ANKRD36: variants seen among roughly 807,000 people sequenced by gnomAD.
ANKRD36 encodes ankyrin repeat domain-containing protein 36A.
ANKRD36 carries 179 observed loss-of-function variants against 278.1 expected under a neutral mutation model. The observed-to-expected ratio is 0.64, with a 90% CI of 0.57 to 0.73. The LOEUF (loss-of-function observed/expected upper bound fraction) is 0.73. ANKRD36 is among the 30% of genes least tolerant of loss of function. ANKRD36 has a pLI of 0.00. For synonymous variants in ANKRD36, 320 were observed against 641.1 expected, an observed-to-expected ratio of 0.50 and a Z score of 7.57; for missense variants, 1,159 against 1,956.7, an observed-to-expected ratio of 0.59 and a Z score of 7.69.
At chr2:97,177,207 G>C (rs1233320223) in intron 22 of ANKRD36, among the ~76,000 whole-genome samples, 2 of 151,892 alleles carry the variant, frequency 1.3e-5, no homozygotes, top group Non-Finnish European at 2.9e-5. Flanking sequence ...AACATTCCAT[G>C]CTCATGCATA....
intron 60 of ANKRD36, among the ~76,000 whole-genome samples, chr2:97,213,821 A>G (rs1244538424): frequency 6.6e-6 from 1 of 151,822 alleles, no homozygotes; most frequent in Non-Finnish European, 1.5e-5. Flanking sequence ...ACTTCCCCAC[A>G]TTGAAATTGG....
chr2:97,199,447 C>T (rs1240490554), intron 44 of ANKRD36, among the ~76,000 whole-genome samples: 1 of 151,892 alleles, frequency 6.6e-6, no homozygotes, highest in South Asian at 2.1e-4. Flanking sequence ...TTTAATGACA[C>T]TTCTTTAGAG....
At chr2:97,137,261 C>G (rs2041759062) in intron 6 of ANKRD36, among the ~76,000 whole-genome samples, 1 of 151,938 alleles carries the variant, frequency 6.6e-6, no homozygotes, top group South Asian at 2.1e-4. Context: ...ATTCTCCTGT[C>G]TCAGCCTCCC....
intron 50 of ANKRD36, 79 bp downstream of exon 50, chr2:97,204,342 G>A (rs1456245637): frequency 1.2e-5 from 18 of 1,446,484 alleles, no homozygotes; most frequent in Non-Finnish European, 1.6e-5. Context: ...ATCAGCGGGG[G>A]GCTCGTTGAA....
intron 46 of ANKRD36, 140 bp downstream of exon 46, chr2:97,200,665 G>C (rs560951855): frequency 2.2e-6 from 3 of 1,378,506 alleles, no homozygotes; most frequent in Admixed American, 2.2e-5. Context: ...ACAAGTTCTT[G>C]GGTTATGCTG....
At chr2:97,208,157 C>A (rs1575971193) in intron 54 of ANKRD36, among the ~76,000 whole-genome samples, 151 bp downstream of exon 54, 2 of 146,126 alleles carry the variant, frequency 1.4e-5, no homozygotes, top group Admixed American at 6.8e-5. Flanking sequence ...TTGGGTGATG[C>A]TGATGCTGCT....
chr2:97,124,746 T>G lies in ANKRD36; in HGVS notation c.731+149T>G, dbSNP rs1311091005. 5.5e-6 allele frequency: 5 copies of G among 909,502 alleles called. No individual in the cohort carries two copies. The Admixed American group carries it at 1.0e-4, about 18-fold the overall frequency. 56.3% of individuals were successfully genotyped at this position (909,502 alleles called of 1,614,324 possible). ...TTTCAAGTTTTTAAGTTTTCGAGAG[T>G]TGTGCAACTTCATCAGCCAGAAATC... is the stretch of plus-strand genomic sequence containing the variant. On this transcript the variant is annotated intron_variant, in intron 5 of 75. Transcript: ENST00000420699.
chr2:97,209,541 C>T (rs1334858828), intron 54 of ANKRD36, 140 bp from the exon 55 acceptor site: 12 of 1,530,690 alleles, frequency 7.8e-6, no homozygotes, highest in Non-Finnish European at 1.1e-5. Context: ...ATGTTCTGAT[C>T]CCCAGACACA....
rs865959542 is a variant in ANKRD36 at position 97,209,550 on chromosome 2, C to G, written c.3266-131C>G. ...TCTGTCATGTTCTGATCCCCAGACA[C>G]AAAGTAGAAGCCATCAAAGCCTCCA... On this transcript the variant is annotated intron_variant, in intron 54 of 75. Transcript: ENST00000420699. 3.4e-5 allele frequency: 52 copies of G among 1,548,744 alleles called. 1 individual carries two copies. In the Middle Eastern group the frequency reaches 9.5e-4, roughly 28 times the overall value.
At chr2:97,203,365 T>C (rs1188288176) in intron 48 of ANKRD36, among the ~76,000 whole-genome samples, 3 of 151,868 alleles carry the variant, frequency 2.0e-5, no homozygotes, top group Admixed American at 6.6e-5. Flanking sequence ...TCAAATTTGA[T>C]AATTGATGAT....
chr2:97,193,767 A>G (rs1165802846), intron 38 of ANKRD36, among the ~76,000 whole-genome samples: 1 of 151,656 alleles, frequency 6.6e-6, no homozygotes, highest in Non-Finnish European at 1.5e-5. Context: ...AAAATCAGAT[A>G]ATCTTGAATG....
intron 62 of ANKRD36, chr2:97,215,780 A>G (rs1484759418): frequency 2.0e-5 from 14 of 693,662 alleles, no homozygotes; most frequent in Non-Finnish European, 3.2e-5. Flanking sequence ...TTTTGCTTTA[A>G]TTCTACAGCA....
At chr2:97,121,909 C>G (rs1198470218) in intron 3 of ANKRD36, among the ~76,000 whole-genome samples, 1 of 148,588 alleles carries the variant, frequency 6.7e-6, no homozygotes, top group Non-Finnish European at 1.5e-5. Context: ...TTGAGAATAA[C>G]ATTTCATACA....
At chr2:97,188,325 A>C (rs925383511) in intron 32 of ANKRD36, among the ~76,000 whole-genome samples, 2 of 151,072 alleles carry the variant, frequency 1.3e-5, no homozygotes, top group Non-Finnish European at 3.0e-5. Context: ...TGAATGAAAA[A>C]CTGATTAATA....
At chr2:97,225,679 G>A (rs770209578) in intron 67 of ANKRD36, among the ~76,000 whole-genome samples, 2 of 151,926 alleles carry the variant, frequency 1.3e-5, no homozygotes, top group Non-Finnish European at 2.9e-5. Flanking sequence ...CAATGTGCAG[G>A]TTAGTTACAT....
At chr2:97,203,031 C>A (rs1161880813) in intron 48 of ANKRD36, among the ~76,000 whole-genome samples, 2 of 151,798 alleles carry the variant, frequency 1.3e-5, no homozygotes, top group Admixed American at 6.6e-5. Flanking sequence ...CATAGAAACA[C>A]ACTGACTCAT....
intron 26 of ANKRD36, among the ~76,000 whole-genome samples, chr2:97,182,585 G>A (rs2056500597): frequency 6.7e-6 from 1 of 149,944 alleles, no homozygotes; most frequent in Non-Finnish European, 1.5e-5. Flanking sequence ...AGAATAACAT[G>A]ATATTTTATA....
intron 67 of ANKRD36, among the ~76,000 whole-genome samples, chr2:97,225,729 C>T (rs2069281949): frequency 1.3e-5 from 2 of 151,690 alleles, no homozygotes; most frequent in African/African-American, 4.8e-5. Context: ...CACCCATTAA[C>T]TCGTCATTTA....
rs746944407 is a variant in ANKRD36 at position 97,190,941 on chromosome 2, A to T, written c.2246-37A>T. 31 of 1,599,128 alleles carry T rather than the reference A, an allele frequency of 1.9e-5. 2 individuals carry two copies. Among genetic ancestry groups the T allele is most frequent in the African/African-American group, 1.5e-4 (11 of 74,606 alleles). On this transcript the variant is annotated intron_variant, in intron 34 of 75. Transcript: ENST00000420699. ...ATGTATGGATAACTTTATCATGTTT[A>T]TATATGAGTGATTATGTATCCCTTT...
Sources: gnomAD v4.1 joint callset for allele counts (sites outside exome capture counted in the v4.1 genomes callset) on GRCh38, gnomAD v4.1.1 for gene constraint, MANE v1.5 for transcripts, NCBI Gene and HGNC (gene_info 2026-07-23, HGNC 2026-07-21) for gene names.